The following OR8B2 variants were observed in gnomAD, a reference collection of about 807,000 sequenced individuals.
OR8B2 encodes olfactory receptor family 8 subfamily B member 2.
For synonymous variants in OR8B2, 98 were observed against 138.2 expected, an observed-to-expected ratio of 0.71 and a Z score of 2.04; for missense variants, 304 against 379.6, an observed-to-expected ratio of 0.80 and a Z score of 1.65.
upstream of OR8B2, among the ~76,000 whole-genome samples, chr11:124,385,951 C>T (rs1022778627): frequency 6.6e-6 from 1 of 152,104 alleles, no homozygotes; most frequent in Non-Finnish European, 1.5e-5. Context: ...AATTCTTAAA[C>T]AGACTTTTAA....
At chr11:124,393,465 C>T in the OR8B2 span, among the ~76,000 whole-genome samples, 1 of 136,238 alleles carries the variant, frequency 7.3e-6, no homozygotes, top group African/African-American at 3.2e-5. Flanking sequence ...TATGAACAGA[C>T]ACTTCTCAAA....
chr11:124,389,119 C>T (rs207472456), upstream of OR8B2, among the ~76,000 whole-genome samples: 39 of 152,110 alleles, frequency 2.6e-4, no homozygotes, highest in African/African-American at 8.5e-4. Flanking sequence ...CCACTACGCC[C>T]AGCCTAAATT....
At chr11:124,397,189 G>A in the OR8B2 span, 2 of 1,611,924 alleles carry the variant, frequency 1.2e-6, no homozygotes, top group South Asian at 1.1e-5. Flanking sequence ...GGTGTGTGGA[G>A]GTGAGAATTT....
chr11:124,383,580 G>A (rs1453598310), intron 1 of OR8B2, among the ~76,000 whole-genome samples: 1 of 152,158 alleles, frequency 6.6e-6, no homozygotes, highest in Non-Finnish European at 1.5e-5. Context: ...GTCCTTACTA[G>A]AAGACACAGA....
chr11:124,394,878 G>A, the OR8B2 span, among the ~76,000 whole-genome samples: 1 of 152,112 alleles, frequency 6.6e-6, no homozygotes, highest in East Asian at 1.9e-4. Context: ...ATTACTTAAA[G>A]TAATACATTT....
chr11:124,390,277 G>T, the OR8B2 span, among the ~76,000 whole-genome samples: 4,848 of 152,190 alleles, frequency 0.032, 257 homozygotes, highest in African/African-American at 0.11. Flanking sequence ...GTGCTATCCA[G>T]CTATTCACTA....
rs73025504 is a variant in OR8B2, at chr11:124,383,067, A to T, written c.277T>A (p.Ser93Thr). The T allele has an allele frequency of 0.012, 18,792 of 1,613,942 alleles. 183 individuals are homozygous for T. The highest frequency in any genetic ancestry group is 0.032 in the South Asian group (2,875 of 91,076). Residue 93 changes from serine (S) to threonine (T), a missense_variant, in exon 2 of 2, where the codon TCC becomes ACC. Ser to Thr is a moderately conservative substitution (Grantham distance 58). Coordinates refer to ENST00000641451, the MANE Select transcript of OR8B2 (RefSeq NM_001005468.2). ...MNFVSKKNII[S>T]NVGCMTRLFF... Reference sequence around the variant, plus strand: ...AGCCGAGTCATGCACCCAACATTGGAGATAATATTCTTTTTTGACACAAAG... The same window carrying T: ...AGCCGAGTCATGCACCCAACATTGGTGATAATATTCTTTTTTGACACAAAG...
the OR8B2 span, chr11:124,397,252 C>A: frequency 6.8e-7 from 1 of 1,464,506 alleles, no homozygotes; most frequent in Non-Finnish European, 9.4e-7. Flanking sequence ...ACAATGTAGA[C>A]CACTAGAAAC....
upstream of OR8B2, among the ~76,000 whole-genome samples, chr11:124,384,962 C>G (rs73025507): frequency 1.3e-5 from 2 of 152,034 alleles, no homozygotes. Context: ...AAGTTTATTG[C>G]TATGCTCATT....
chr11:124,391,121 C>G, the OR8B2 span, among the ~76,000 whole-genome samples: 2 of 152,130 alleles, frequency 1.3e-5, no homozygotes, highest in Non-Finnish European at 2.9e-5. Context: ...CTAAACTAAT[C>G]TGTCTTGATT....
chr11:124,396,746 A>G, the OR8B2 span: 4 of 1,613,950 alleles, frequency 2.5e-6, no homozygotes, highest in Non-Finnish European at 3.4e-6. Context: ...TAATACCCAC[A>G]ACAATGAGAA....
At chr11:124,396,584 T>C in the OR8B2 span, 6 of 1,613,250 alleles carry the variant, frequency 3.7e-6, no homozygotes, top group South Asian at 5.5e-5. Flanking sequence ...TATACATGAA[T>C]GCCGCTGACC....
upstream of OR8B2, among the ~76,000 whole-genome samples, chr11:124,387,435 A>G (rs1311608413): frequency 2.0e-5 from 3 of 152,072 alleles, no homozygotes; most frequent in East Asian, 1.9e-4. Context: ...TAATTTTTGT[A>G]TAAGGTGTAA....
the OR8B2 span, among the ~76,000 whole-genome samples, chr11:124,391,252 A>T: frequency 6.6e-6 from 1 of 152,002 alleles, no homozygotes; most frequent in African/African-American, 2.4e-5. Flanking sequence ...GCAGAAGGCA[A>T]GAAATAAATC....
the OR8B2 span, chr11:124,397,204 C>A: frequency 3.1e-6 from 5 of 1,610,026 alleles, no homozygotes; most frequent in Non-Finnish European, 4.2e-6. Flanking sequence ...GAATTTAGAC[C>A]GAAAAGAATG....
Position 124,383,152 on chromosome 11 carries a change from G to A in OR8B2, c.192C>T (p.Phe64=), listed in dbSNP as rs146094090. Residue 64 remains phenylalanine, a synonymous_variant, in exon 2 of 2, where the codon TTC becomes TTT. Coordinates refer to ENST00000641451, the MANE Select transcript of OR8B2 (RefSeq NM_001005468.2). ...AACAGAGATCAATGAAGGAGAGATT[G>A]AAGAGGAAATAGTACATTGGTGTGT... The part of the protein sequence containing the change: ...HLHTPMYYFL[F]NLSFIDLCYS... The A allele has an allele frequency of 8.3e-3, 13,363 of 1,613,418 alleles. 296 individuals carry two copies. Among genetic ancestry groups the A allele is most frequent in the African/African-American group, 0.068 (5,087 of 74,688 alleles).
At chr11:124,388,859 G>T (rs148429002), upstream of OR8B2, among the ~76,000 whole-genome samples, 3 of 141,576 alleles carry the variant, frequency 2.1e-5, 1 homozygote, top group Admixed American at 2.2e-4. Flanking sequence ...ATGGAGTCTC[G>T]CTCTGTCTCC....
chr11:124,391,326 G>T, the OR8B2 span, among the ~76,000 whole-genome samples: 1 of 151,026 alleles, frequency 6.6e-6, no homozygotes, highest in Non-Finnish European at 1.5e-5. Flanking sequence ...GAATCCAGGA[G>T]CTGGTTTTTT....
the OR8B2 span, among the ~76,000 whole-genome samples, chr11:124,390,371 A>G: frequency 6.6e-6 from 1 of 152,180 alleles, no homozygotes; most frequent in African/African-American, 2.4e-5. Flanking sequence ...GGGGTGTCCA[A>G]TCTTTTGGCT....
Sources: gnomAD v4.1 joint callset for allele counts (sites outside exome capture counted in the v4.1 genomes callset) on GRCh38, gnomAD v4.1.1 for gene constraint, MANE v1.5 for transcripts, NCBI Gene and HGNC (gene_info 2026-07-23, HGNC 2026-07-21) for gene names.